The following MAGI1 variants were observed in gnomAD, a reference collection of about 807,000 sequenced individuals.
MAGI1 encodes membrane associated guanylate kinase, WW and PDZ domain containing 1, also known as membrane-associated guanylate kinase, WW and PDZ domain-containing protein 1.
A neutral mutation model predicts 139.9 loss-of-function variants in MAGI1; 58 were observed. That is an observed-to-expected ratio of 0.41 (90% CI 0.34 to 0.52). MAGI1 has a LOEUF of 0.52. Ranked by LOEUF, MAGI1 falls within the 20% of genes least tolerant of loss-of-function variation. The pLI, the probability that MAGI1 is intolerant of heterozygous loss-of-function variation, is 0.12. For missense variants in MAGI1, 1,874 were observed against 1,901.6 expected, an observed-to-expected ratio of 0.99 and a Z score of 0.27; for synonymous variants, 812 against 737.9, an observed-to-expected ratio of 1.10 and a Z score of -1.63.
At chr3:65,454,045 G>C (rs1006573319) in intron 5 of MAGI1, among the ~76,000 whole-genome samples, 1 of 151,980 alleles carries the variant, frequency 6.6e-6, no homozygotes, top group African/African-American at 2.4e-5. Context: ...TGAAAGTGTA[G>C]AGACACATTC....
At chr3:65,981,398 T>C (rs1472211039) in intron 1 of MAGI1, among the ~76,000 whole-genome samples, 5 of 152,156 alleles carry the variant, frequency 3.3e-5, no homozygotes, top group Admixed American at 3.3e-4. Flanking sequence ...TAAGCATAAC[T>C]TTGGAGTTAT....
chr3:65,662,935 C>A (rs780515332), intron 1 of MAGI1, among the ~76,000 whole-genome samples: 2 of 152,120 alleles, frequency 1.3e-5, no homozygotes, highest in Non-Finnish European at 2.9e-5. Flanking sequence ...ATGTTTCTGT[C>A]CACTTCCTGA....
chr3:65,660,483 C>T (rs1250076421), intron 1 of MAGI1, among the ~76,000 whole-genome samples: 3 of 152,196 alleles, frequency 2.0e-5, no homozygotes, highest in Non-Finnish European at 4.4e-5. Flanking sequence ...CAAACATGGA[C>T]ATTGATTAGT....
chr3:65,709,328 T>A (rs2030967153), intron 1 of MAGI1, among the ~76,000 whole-genome samples: 1 of 152,174 alleles, frequency 6.6e-6, no homozygotes, highest in Non-Finnish European at 1.5e-5. Flanking sequence ...TCCAGTCCAA[T>A]GCTTAGCACA....
chr3:65,905,517 A>AT (rs1003474976), intron 1 of MAGI1, among the ~76,000 whole-genome samples: 3 of 149,648 alleles, frequency 2.0e-5, no homozygotes, highest in Non-Finnish European at 4.5e-5. Flanking sequence ...TCTTTTTCTT[A>AT]TTTTTTTAGA....
At chr3:65,909,705 T>TA (rs1221943068) in intron 1 of MAGI1, among the ~76,000 whole-genome samples, 5 of 151,856 alleles carry the variant, frequency 3.3e-5, no homozygotes, top group African/African-American at 7.3e-5. Context: ...CCCCAAAAAT[T>TA]AAAAAAATGT....
At chr3:65,438,232 T>C (rs1171263615) in intron 9 of MAGI1, among the ~76,000 whole-genome samples, 2 of 152,106 alleles carry the variant, frequency 1.3e-5, no homozygotes, top group Non-Finnish European at 2.9e-5. Flanking sequence ...TGCGGCAACA[T>C]GAATGGAACT....
chr3:66,030,417 T>C (rs1195309369), intron 1 of MAGI1, among the ~76,000 whole-genome samples: 2 of 152,194 alleles, frequency 1.3e-5, no homozygotes, highest in African/African-American at 4.8e-5. Flanking sequence ...CTGTTTTTGC[T>C]ACTGGGGATA....
chr3:65,616,779 A>G (rs2083394946), intron 2 of MAGI1, among the ~76,000 whole-genome samples: 1 of 152,248 alleles, frequency 6.6e-6, no homozygotes, highest in Non-Finnish European at 1.5e-5. Context: ...AGTGTCCAAC[A>G]CAACCTGAAC....
chr3:65,536,497 A>G (rs1482268422), intron 2 of MAGI1, among the ~76,000 whole-genome samples: 1 of 152,214 alleles, frequency 6.6e-6, no homozygotes, highest in Non-Finnish European at 1.5e-5. Context: ...GAATAAAAAA[A>G]GGATTCCAGG....
chr3:65,732,450 G>C (rs976166868), intron 1 of MAGI1, among the ~76,000 whole-genome samples: 1 of 151,982 alleles, frequency 6.6e-6, no homozygotes, highest in African/African-American at 2.4e-5. Flanking sequence ...GGAAAGAAAC[G>C]GTTTCTGAAT....
intron 1 of MAGI1, among the ~76,000 whole-genome samples, chr3:65,736,286 A>G (rs563043142): frequency 1.3e-5 from 2 of 152,310 alleles, no homozygotes; most frequent in South Asian, 4.1e-4. Flanking sequence ...TGACTTTTAG[A>G]TCAATGGAGT....
chr3:65,364,759 C>T lies in MAGI1; in HGVS notation c.3291-34G>A. On this transcript the variant is annotated intron_variant, in intron 19 of 22. Coordinates refer to ENST00000402939, the MANE Select transcript of MAGI1 (RefSeq NM_001033057.2). ...GTGAAAGAAATAAATATAAGAGCAA[C>T]CCATTAGCAAACTGAGAAAGAATCA... The T allele has an allele frequency of 5.0e-6, 8 of 1,609,388 alleles. No homozygotes were observed. The South Asian group carries it at 8.8e-5, about 18-fold the overall frequency.
intron 1 of MAGI1, among the ~76,000 whole-genome samples, chr3:65,853,137 A>G (rs1053460481): frequency 1.3e-5 from 2 of 152,126 alleles, no homozygotes; most frequent in African/African-American, 4.8e-5. Context: ...ACTGCACTCC[A>G]GCCAGGGCGA....
At chr3:65,595,111 C>G (rs1576425264) in intron 2 of MAGI1, among the ~76,000 whole-genome samples, 1 of 152,144 alleles carries the variant, frequency 6.6e-6, no homozygotes, top group African/African-American at 2.4e-5. Flanking sequence ...AGATCTTATT[C>G]TCTCTGTCTT....
At chr3:65,728,729 A>T (rs1469089501) in intron 1 of MAGI1, among the ~76,000 whole-genome samples, 2 of 152,196 alleles carry the variant, frequency 1.3e-5, no homozygotes, top group African/African-American at 2.4e-5. Flanking sequence ...GTATTTTTTA[A>T]AAAATTATTT....
intron 1 of MAGI1, among the ~76,000 whole-genome samples, chr3:65,636,640 G>T (rs9825013): frequency 0.048 from 7,298 of 151,904 alleles, 581 homozygotes; most frequent in African/African-American, 0.16. Flanking sequence ...TGACTAAAGA[G>T]CAAACGGGCA....
intron 5 of MAGI1, among the ~76,000 whole-genome samples, chr3:65,454,735 A>AAC (rs5849672): frequency 0.31 from 46,933 of 149,204 alleles, 9,209 homozygotes; most frequent in African/African-American, 0.55. Context: ...AAAAAAAAAA[A>AAC]CATATGGCTT....
At chr3:65,988,883 T>G (rs552021993) in intron 1 of MAGI1, among the ~76,000 whole-genome samples, 198 of 152,314 alleles carry the variant, frequency 1.3e-3, no homozygotes, top group African/African-American at 4.6e-3. Flanking sequence ...CCTGATTCCC[T>G]GAAGACAGTT....
Sources: gnomAD v4.1 joint callset for allele counts (sites outside exome capture counted in the v4.1 genomes callset) on GRCh38, gnomAD v4.1.1 for gene constraint, MANE v1.5 for transcripts, NCBI Gene and HGNC (gene_info 2026-07-23, HGNC 2026-07-21) for gene names.